SEMA6D: variants seen among roughly 807,000 people sequenced by gnomAD.
SEMA6D encodes semaphorin 6D.
SEMA6D carries 35 observed loss-of-function variants against 106.6 expected under a neutral mutation model. That is an observed-to-expected ratio of 0.33 (90% CI 0.25 to 0.44). The LOEUF (loss-of-function observed/expected upper bound fraction) is 0.44, where lower values mean the gene tolerates loss of function less well. SEMA6D is among the 20% of genes least tolerant of loss of function. SEMA6D has a pLI of 1.00. For missense variants in SEMA6D, 1,185 were observed against 1,345.9 expected (o/e 0.88, Z 1.87); for synonymous variants, 499 against 487.7 (o/e 1.02, Z -0.31).
chr15:47,553,722 T>TGTCCTGTC (rs1465311406), intron 3 of SEMA6D, among the ~76,000 whole-genome samples: 1 of 152,122 alleles, frequency 6.6e-6, no homozygotes, highest in Non-Finnish European at 1.5e-5. Context: ...AAGCAGGGCA[T>TGTCCTGTC]TTCAGTGTTG....
intron 3 of SEMA6D, among the ~76,000 whole-genome samples, chr15:47,599,574 A>T (rs2143347157): frequency 6.6e-6 from 1 of 152,254 alleles, no homozygotes; most frequent in Admixed American, 6.5e-5. Context: ...TAAGGCAAAG[A>T]ACCAGTGCAC....
chr15:47,608,343 C>T (rs1288088854), intron 4 of SEMA6D, among the ~76,000 whole-genome samples: 1 of 152,182 alleles, frequency 6.6e-6, no homozygotes, highest in African/African-American at 2.4e-5. Context: ...GGACTAATTA[C>T]ATCTACTGGG....
At chr15:47,617,391 T>TTCAACCATGAA (rs1202953652) in intron 4 of SEMA6D, among the ~76,000 whole-genome samples, 1 of 152,210 alleles carries the variant, frequency 6.6e-6, no homozygotes, top group Admixed American at 6.5e-5. Context: ...TCTTCCATGA[T>TTCAACCATGAA]GAAATTCAAC....
intron 3 of SEMA6D, among the ~76,000 whole-genome samples, chr15:47,542,908 G>C (rs1287402293): frequency 6.6e-6 from 1 of 152,074 alleles, no homozygotes; most frequent in Non-Finnish European, 1.5e-5. Context: ...GTTCAAATTA[G>C]ATATGAGGCT....
intron 2 of SEMA6D, among the ~76,000 whole-genome samples, chr15:47,441,373 A>G (rs12439408): frequency 0.25 from 37,470 of 152,076 alleles, 5,534 homozygotes; most frequent in Middle Eastern, 0.44. Context: ...GTAAAAATAA[A>G]TTTGTAATGT....
At chr15:47,272,405 T>G (rs1019064068) in intron 1 of SEMA6D, among the ~76,000 whole-genome samples, 1 of 151,968 alleles carries the variant, frequency 6.6e-6, no homozygotes, top group Non-Finnish European at 1.5e-5. Flanking sequence ...AGGCAGATTC[T>G]GATCACTCAG....
intron 4 of SEMA6D, among the ~76,000 whole-genome samples, chr15:47,694,517 C>G (rs2078659073): frequency 6.6e-6 from 1 of 152,066 alleles, no homozygotes; most frequent in South Asian, 2.1e-4. Context: ...AAGGAAAAGT[C>G]TTTCTTCCTG....
At chr15:47,348,716 CACCA>C (rs1369334996) in intron 1 of SEMA6D, among the ~76,000 whole-genome samples, 59 of 43,842 alleles carry the variant, frequency 1.3e-3, no homozygotes, top group African/African-American at 4.5e-3. Flanking sequence ...CACACACACA[CACCA>C]CACACACAGA....
At chr15:47,361,380 A>C (rs2038797113) in intron 1 of SEMA6D, among the ~76,000 whole-genome samples, 1 of 152,320 alleles carries the variant, frequency 6.6e-6, no homozygotes, top group Non-Finnish European at 1.5e-5. Context: ...TCACATCAAA[A>C]GGGGGAAAAT....
intron 4 of SEMA6D, among the ~76,000 whole-genome samples, chr15:47,659,757 T>A (rs2077879175): frequency 6.6e-6 from 1 of 152,036 alleles, no homozygotes; most frequent in African/African-American, 2.4e-5. Flanking sequence ...AATACACAGG[T>A]TACTGAAAAA....
At position 47,342,006 on chromosome 15, in the gene SEMA6D, GTT is replaced by G. The variant is rs11335489; in HGVS notation, c.-238-70377_-238-70376del. 8.1e-5 allele frequency among the ~76,000 whole-genome samples: 12 copies of G among 147,480 alleles called. No homozygotes were observed. In the East Asian group the frequency reaches 9.9e-4, roughly 12 times the overall value. On this transcript the variant is annotated intron_variant, in intron 1 of 19. Transcript: ENST00000558014. ...TTCCCTAGCACATCCTTTACCCTGTGTTTTTTTTTTTCCTTTTTTTCTTTTTT... is the reference window on the plus strand; with the variant it reads ...TTCCCTAGCACATCCTTTACCCTGTGTTTTTTTTTCCTTTTTTTCTTTTTT...
In SEMA6D at chr15:47,511,581, C is replaced by T. The variant is rs182244467; in HGVS notation, c.-87+41036C>T. ...ACTATTGTCTCTCCCTTCCCTCCTC[C>T]ATAGAGTTGGCCTGTAATATATCCC... On this transcript the variant is annotated intron_variant, in intron 3 of 19. Coordinates refer to the SEMA6D transcript ENST00000558014. Among the ~76,000 whole-genome samples, 839 of 152,284 alleles carry T rather than the reference C, an allele frequency of 5.5e-3. 6 individuals carry two copies. Among genetic ancestry groups the T allele is most frequent in the Admixed American group, 0.015 (223 of 15,300 alleles).
intron 3 of SEMA6D, among the ~76,000 whole-genome samples, chr15:47,558,268 A>C (rs953698293): frequency 4.6e-5 from 7 of 152,120 alleles, no homozygotes; most frequent in Non-Finnish European, 1.0e-4. Flanking sequence ...TCATTAATTC[A>C]TTTATTTACT....
At chr15:47,550,904 G>A (rs913793393) in intron 3 of SEMA6D, among the ~76,000 whole-genome samples, 1 of 152,156 alleles carries the variant, frequency 6.6e-6, no homozygotes, top group African/African-American at 2.4e-5. Flanking sequence ...GGGAGAAAAT[G>A]TAAAAGTAAA....
At chr15:47,565,836 C>T (rs1025761273) in intron 3 of SEMA6D, among the ~76,000 whole-genome samples, 1 of 152,172 alleles carries the variant, frequency 6.6e-6, no homozygotes, top group Non-Finnish European at 1.5e-5. Context: ...AATTTTTCTT[C>T]TTCATCACTG....
intron 1 of SEMA6D, among the ~76,000 whole-genome samples, chr15:47,259,839 A>G (rs1309424254): frequency 6.6e-6 from 1 of 152,004 alleles, no homozygotes; most frequent in Non-Finnish European, 1.5e-5. Context: ...ATTGTCCCAT[A>G]GGTCCCAAAG....
chr15:47,553,224 C>T (rs1261375729), intron 3 of SEMA6D, among the ~76,000 whole-genome samples: 1 of 151,620 alleles, frequency 6.6e-6, no homozygotes, highest in Admixed American at 6.6e-5. Flanking sequence ...AATTTTATGC[C>T]CTTAGTCATA....
chr15:47,651,429 G>A (rs1182623539), intron 4 of SEMA6D, among the ~76,000 whole-genome samples: 1 of 152,082 alleles, frequency 6.6e-6, no homozygotes, highest in Non-Finnish European at 1.5e-5. Flanking sequence ...GTAAACTTCT[G>A]TTAGTACAGG....
intron 1 of SEMA6D, among the ~76,000 whole-genome samples, chr15:47,383,236 G>A (rs551168510): frequency 2.0e-5 from 3 of 152,228 alleles, no homozygotes; most frequent in Non-Finnish European, 2.9e-5. Flanking sequence ...GAGGAGGTAT[G>A]ATCCTGGTTT....
Sources: allele counts gnomAD v4.1 joint callset (sites outside exome capture counted in the v4.1 genomes callset), GRCh38; gene constraint gnomAD v4.1.1; transcripts MANE v1.5; gene names NCBI Gene and HGNC (gene_info 2026-07-23, HGNC 2026-07-21).